Variants in GAREM1 observed in about 807,000 individuals in gnomAD.
GAREM1 encodes GRB2-associated and regulator of MAPK protein 1.
GAREM1 carries 26 observed loss-of-function variants against 71.3 expected under a neutral mutation model. That is an observed-to-expected ratio of 0.36 (90% CI 0.27 to 0.51). The LOEUF is 0.51. Ranked by LOEUF, GAREM1 falls within the 20% of genes least tolerant of loss-of-function variation. GAREM1 has a pLI of 0.95. For missense variants in GAREM1, 1,026 were observed against 1,103.1 expected, an observed-to-expected ratio of 0.93 and a Z score of 0.99; for synonymous variants, 440 against 433.2, an observed-to-expected ratio of 1.02 and a Z score of -0.20.
chr18:32,325,025 T>C (rs996403113), intron 2 of GAREM1, among the ~76,000 whole-genome samples: 8 of 152,198 alleles, frequency 5.3e-5, no homozygotes, highest in Non-Finnish European at 8.8e-5. Context: ...CGATCTTGGC[T>C]CACTGCAACC....
chr18:32,465,656 T>C (rs528166997), intron 1 of GAREM1, among the ~76,000 whole-genome samples: 3 of 152,312 alleles, frequency 2.0e-5, no homozygotes, highest in African/African-American at 4.8e-5. Context: ...ACATCTTTTA[T>C]TGTGCTAGAC....
At chr18:32,306,665 G>C (rs1242706296) in intron 3 of GAREM1, among the ~76,000 whole-genome samples, 1 of 152,098 alleles carries the variant, frequency 6.6e-6, no homozygotes, top group Non-Finnish European at 1.5e-5. Context: ...TCTGAGCCTA[G>C]ACTATTCTCT....
intron 2 of GAREM1, among the ~76,000 whole-genome samples, chr18:32,319,583 G>C (rs1301762213): frequency 6.6e-6 from 1 of 152,114 alleles, no homozygotes; most frequent in Non-Finnish European, 1.5e-5. Flanking sequence ...CCTGAGTAAG[G>C]TGGAAGACTT....
chr18:32,321,440 C>T (rs796573306), intron 2 of GAREM1, among the ~76,000 whole-genome samples: 9 of 152,248 alleles, frequency 5.9e-5, no homozygotes, highest in African/African-American at 2.2e-4. Flanking sequence ...CTTAGCCCTC[C>T]TGGGGGAACT....
Position 32,268,208 on chromosome 18 carries a change from T to G in GAREM1, c.2294A>C (p.Asp765Ala). The G allele has an allele frequency of 6.2e-7, 1 of 1,614,020 alleles. No individual in the cohort carries two copies. The highest frequency in any genetic ancestry group is 8.5e-7 in the Non-Finnish European group (1 of 1,180,002). Residue 765 changes from aspartate (D) to alanine (A), a missense_variant, in exon 6 of 6, where the codon GAC becomes GCC. Physicochemically the swap from Asp to Ala is moderately radical, Grantham distance 126 (BLOSUM62 -2). Around this residue, in one of 3 missense-constraint regions of GAREM1, gnomAD observed 636 missense variants for 631.2 expected, o/e 1.01. Coordinates refer to ENST00000269209, the MANE Select transcript of GAREM1 (RefSeq NM_001242409.2). Reference sequence around the variant, plus strand: ...CATGCCCTTTTTAACAAAATACTGGTCCTCCGAGAGATCTGGTGACCCAGA... The same window carrying G: ...CATGCCCTTTTTAACAAAATACTGGGCCTCCGAGAGATCTGGTGACCCAGA... ...PKSGSPDLSEDQYFVKKGMQD... is the reference protein window; with the variant it reads ...PKSGSPDLSEAQYFVKKGMQD...
chr18:32,383,478 T>C (rs539142180), intron 2 of GAREM1, among the ~76,000 whole-genome samples: 23 of 152,178 alleles, frequency 1.5e-4, no homozygotes, highest in Non-Finnish European at 2.5e-4. Flanking sequence ...TTTCCACAAA[T>C]AGAAAAAGCT....
chr18:32,402,929 T>G (rs368572777), intron 1 of GAREM1, among the ~76,000 whole-genome samples: 14 of 152,240 alleles, frequency 9.2e-5, no homozygotes, highest in African/African-American at 3.1e-4. Flanking sequence ...CTTCTTTTTC[T>G]TTTATTGAGA....
rs185096665 is a variant in GAREM1, at chr18:32,397,762, G to T, written c.122-4727C>A. On this transcript the variant is annotated intron_variant, in intron 1 of 5. Transcript: ENST00000269209. ...CAGATAGAGACAGAAAGTTAACAAG[G>T]ATATCCAGGAATTGAACTCAGGAAT... 1.3e-3 allele frequency among the ~76,000 whole-genome samples: 192 copies of T among 152,228 alleles called. 1 individual carries two copies. The highest frequency in any genetic ancestry group is 4.4e-3 in the African/African-American group (184 of 41,522).
rs574693216 is a variant in GAREM1 at position 32,342,916 on chromosome 18, G to T, written c.263-32593C>A. On this transcript the variant is annotated intron_variant, in intron 2 of 5. Coordinates refer to ENST00000269209, the MANE Select transcript of GAREM1 (RefSeq NM_001242409.2). Reference sequence around the variant, plus strand: ...TCTATGTACTATCTATGCTTCTTTTGTACTAAACAATTTGGCAGATACTAT... The same window carrying T: ...TCTATGTACTATCTATGCTTCTTTTTTACTAAACAATTTGGCAGATACTAT... Among the ~76,000 whole-genome samples the T allele has an allele frequency of 1.1e-4, 17 of 152,196 alleles. 1 individual carries two copies. The South Asian group carries it at 3.5e-3, about 32-fold the overall frequency.
intron 2 of GAREM1, among the ~76,000 whole-genome samples, chr18:32,360,037 T>C (rs1251012155): frequency 6.6e-6 from 1 of 152,102 alleles, no homozygotes; most frequent in Non-Finnish European, 1.5e-5. Context: ...GGGACATCTA[T>C]TACTTAAATG....
intron 2 of GAREM1, among the ~76,000 whole-genome samples, chr18:32,361,750 T>C (rs1306978335): frequency 4.6e-5 from 7 of 152,226 alleles, no homozygotes; most frequent in Admixed American, 2.6e-4. Context: ...ATAGAGTTTA[T>C]AAAATGTACG....
intron 2 of GAREM1, among the ~76,000 whole-genome samples, chr18:32,323,141 T>TTTA (rs1462501645): frequency 6.6e-6 from 1 of 152,184 alleles, no homozygotes; most frequent in Non-Finnish European, 1.5e-5. Context: ...GTGTTCAACT[T>TTTA]TTAATGGTTT....
intron 3 of GAREM1, among the ~76,000 whole-genome samples, chr18:32,304,233 G>C (rs943576101): frequency 6.6e-6 from 1 of 151,856 alleles, no homozygotes; most frequent in Non-Finnish European, 1.5e-5. Context: ...CTTGGACCTG[G>C]GAGATGGGGG....
chr18:32,268,908 G>A, intron 5 of GAREM1, 140 bp from the exon 6 acceptor site: 1 of 637,948 alleles, frequency 1.6e-6, no homozygotes, highest in South Asian at 2.3e-5. Flanking sequence ...AACTTCACTG[G>A]GTTTTTTTTT....
chr18:32,435,355 C>A (rs1043310193), intron 1 of GAREM1, among the ~76,000 whole-genome samples: 1 of 152,018 alleles, frequency 6.6e-6, no homozygotes, highest in Non-Finnish European at 1.5e-5. Context: ...GCTTTGATAA[C>A]TATACTACAG....
intron 2 of GAREM1, among the ~76,000 whole-genome samples, chr18:32,385,156 T>G (rs1414341364): frequency 2.6e-5 from 4 of 151,950 alleles, no homozygotes; most frequent in Non-Finnish European, 5.9e-5. Context: ...CTGATTTCAC[T>G]CCTATGTCCT....
At chr18:32,431,981 G>A (rs1171632557) in intron 1 of GAREM1, among the ~76,000 whole-genome samples, 1 of 152,096 alleles carries the variant, frequency 6.6e-6, no homozygotes, top group African/African-American at 2.4e-5. Context: ...ACAAATGAAG[G>A]TGAAATAGAC....
chr18:32,468,089 A>G (rs2049015325), intron 1 of GAREM1, among the ~76,000 whole-genome samples: 1 of 152,216 alleles, frequency 6.6e-6, no homozygotes, highest in Non-Finnish European at 1.5e-5. Context: ...GTTGGTGTAA[A>G]CGAGGATTTC....
At chr18:32,359,144 A>G (rs1328639019) in intron 2 of GAREM1, among the ~76,000 whole-genome samples, 1 of 152,234 alleles carries the variant, frequency 6.6e-6, no homozygotes, top group Non-Finnish European at 1.5e-5. Context: ...AGTCAAACTA[A>G]AATATGCCCA....
Sources: gnomAD v4.1 joint callset for allele counts (sites outside exome capture counted in the v4.1 genomes callset) on GRCh38, gnomAD v4.1.1 for gene constraint, gnomAD v4.1.1 regional missense constraint, MANE v1.5 for transcripts, NCBI Gene and HGNC (gene_info 2026-07-23, HGNC 2026-07-21) for gene names.